AKAP19: variants seen among roughly 807,000 people sequenced by gnomAD.
AKAP19 encodes small A-kinase anchoring protein.
chr2:190,197,040 G>C, the AKAP19 span, among the ~76,000 whole-genome samples: 1 of 152,092 alleles, frequency 6.6e-6, no homozygotes, highest in East Asian at 1.9e-4. The surrounding 1 kb of genome is among the most constrained non-coding windows in gnomAD (Gnocchi z 4.0). Flanking sequence ...GCTTTTCACT[G>C]TGGCCTCACA....
At chr2:190,053,436 A>G in the AKAP19 span, among the ~76,000 whole-genome samples, 2 of 152,282 alleles carry the variant, frequency 1.3e-5, no homozygotes, top group African/African-American at 4.8e-5. Context: ...TCTAGCGTAA[A>G]TATACTCATT....
At chr2:189,955,801 G>A in the AKAP19 span, among the ~76,000 whole-genome samples, 1 of 152,148 alleles carries the variant, frequency 6.6e-6, no homozygotes, top group South Asian at 2.1e-4. Flanking sequence ...AAAGTGGGAA[G>A]AGAAGTTTCA....
the AKAP19 span, among the ~76,000 whole-genome samples, chr2:190,047,308 T>C: frequency 6.6e-6 from 1 of 152,196 alleles, no homozygotes; most frequent in South Asian, 2.1e-4. Context: ...TTCTTTCCCA[T>C]TTATTCCTTC....
At chr2:190,146,822 C>G in the AKAP19 span, among the ~76,000 whole-genome samples, 1 of 152,074 alleles carries the variant, frequency 6.6e-6, no homozygotes. Flanking sequence ...CTTTTCATGT[C>G]CTTAGCCCAC....
the AKAP19 span, among the ~76,000 whole-genome samples, chr2:190,124,697 C>A: frequency 1.3e-5 from 2 of 152,052 alleles, no homozygotes; most frequent in South Asian, 4.1e-4. Context: ...GTGACAGAGA[C>A]CCTGTCTTTT....
chr2:190,125,840 C>T, the AKAP19 span, among the ~76,000 whole-genome samples: 26 of 152,096 alleles, frequency 1.7e-4, no homozygotes, highest in East Asian at 7.7e-4. Flanking sequence ...TAAAACAGCA[C>T]GGCAATTCCC....
At chr2:189,988,786 A>C in the AKAP19 span, among the ~76,000 whole-genome samples, 34 of 152,268 alleles carry the variant, frequency 2.2e-4, no homozygotes, top group African/African-American at 7.7e-4. Context: ...AAGAGACTAC[A>C]TTTCCCAGTC....
At chr2:190,019,187 G>C in the AKAP19 span, among the ~76,000 whole-genome samples, 2 of 152,078 alleles carry the variant, frequency 1.3e-5, no homozygotes, top group African/African-American at 4.8e-5. Flanking sequence ...TTGAGGTTGG[G>C]CTGAGCCACT....
At chr2:190,186,864 G>A in the AKAP19 span, among the ~76,000 whole-genome samples, 2 of 151,968 alleles carry the variant, frequency 1.3e-5, no homozygotes, top group African/African-American at 4.8e-5. This position sits in a 1 kb window ranked among gnomAD's most constrained non-coding sequence, Gnocchi z 5.5. Context: ...TTTTGAGACT[G>A]AGTCTCACTC....
At chr2:190,200,448 T>G in the AKAP19 span, 1 of 250,004 alleles carries the variant, frequency 4.0e-6, no homozygotes, top group Non-Finnish European at 8.4e-6. Context: ...CCAAAGAAAA[T>G]GCTAAGGAAT....
At chr2:190,084,724 C>T in the AKAP19 span, among the ~76,000 whole-genome samples, 39 of 152,156 alleles carry the variant, frequency 2.6e-4, no homozygotes, top group African/African-American at 8.9e-4. Context: ...CAGGAAGGGA[C>T]ACGGGAGTAC....
At chr2:190,113,744 G>A in the AKAP19 span, among the ~76,000 whole-genome samples, 5 of 152,270 alleles carry the variant, frequency 3.3e-5, no homozygotes. Context: ...TCCCTCCCTG[G>A]TGGATGGAGT....
chr2:189,977,335 C>T, the AKAP19 span, among the ~76,000 whole-genome samples: 1 of 152,136 alleles, frequency 6.6e-6, no homozygotes, highest in African/African-American at 2.4e-5. Context: ...AAGTGAGTTA[C>T]TTTTTTTCTT....
the AKAP19 span, among the ~76,000 whole-genome samples, chr2:189,960,121 T>C: frequency 1.6e-4 from 25 of 152,320 alleles, no homozygotes; most frequent in African/African-American, 5.8e-4. Context: ...TTGTTACATA[T>C]CACGTGTTTG....
the AKAP19 span, among the ~76,000 whole-genome samples, chr2:190,163,608 A>G: frequency 6.6e-6 from 1 of 152,236 alleles, no homozygotes; most frequent in Non-Finnish European, 1.5e-5. Flanking sequence ...CAGGCACTCA[A>G]CTAGGAATTG....
the AKAP19 span, among the ~76,000 whole-genome samples, chr2:190,045,333 C>T: frequency 6.6e-6 from 1 of 152,180 alleles, no homozygotes; most frequent in African/African-American, 2.4e-5. Flanking sequence ...CTAAGTCACC[C>T]AAACAGCAAA....
the AKAP19 span, among the ~76,000 whole-genome samples, chr2:189,987,447 G>A: frequency 2.0e-5 from 3 of 152,164 alleles, no homozygotes; most frequent in Admixed American, 2.0e-4. Flanking sequence ...CACTGCCAAT[G>A]GGTCTATAAG....
At chr2:189,949,519 A>T in the AKAP19 span, among the ~76,000 whole-genome samples, 1 of 136,110 alleles carries the variant, frequency 7.3e-6, no homozygotes, top group Non-Finnish European at 1.6e-5. Context: ...AAAAAAAAAA[A>T]GGAAAAAAGA....
the AKAP19 span, among the ~76,000 whole-genome samples, chr2:190,098,431 T>G: frequency 6.6e-6 from 1 of 152,132 alleles, no homozygotes; most frequent in African/African-American, 2.4e-5. Flanking sequence ...GCAGTAATAT[T>G]TTGAAAGAAA....
Sources: gnomAD v4.1 joint callset for allele counts (sites outside exome capture counted in the v4.1 genomes callset) on GRCh38, gnomAD v4.1.1 for gene constraint, Gnocchi (gnomAD v3.1) non-coding constraint, MANE v1.5 for transcripts, NCBI Gene and HGNC (gene_info 2026-07-23, HGNC 2026-07-21) for gene names.